USP48: variants seen among roughly 807,000 people sequenced by gnomAD.
USP48 encodes ubiquitin carboxyl-terminal hydrolase 48.
USP48 carries 43 observed loss-of-function variants against 150.7 expected under a neutral mutation model. The ratio of observed to expected loss-of-function variants is 0.29; its 90% CI spans 0.22 to 0.37. The LOEUF (loss-of-function observed/expected upper bound fraction) is 0.37. Among genes scored for constraint, USP48 ranks in the 10% least tolerant of loss-of-function variants. The probability of loss-of-function intolerance (pLI) is 1.00; values close to 1 mark genes in which losing one functional copy is unlikely to be tolerated. For missense variants in USP48, 813 were observed against 1,249.6 expected, an observed-to-expected ratio of 0.65 and a Z score of 5.27; for synonymous variants, 396 against 425.9, an observed-to-expected ratio of 0.93 and a Z score of 0.86.
At chr1:21,728,819 G>A in intron 10 of USP48, 100 bp from the exon 11 acceptor site, 1 of 1,400,964 alleles carries the variant, frequency 7.1e-7, no homozygotes, top group East Asian at 2.4e-5. Context: ...TTAAAACATT[G>A]GCAGAAATTC....
At chr1:21,768,206 CAA>C (rs142268939) in intron 1 of USP48, 4 of 132,140 alleles carry the variant, frequency 3.0e-5, no homozygotes, top group Admixed American at 7.8e-5. Context: ...GACTCCGTCT[CAA>C]AAAAAAAAAA....
At chr1:21,702,077 C>T (rs2097658643) in intron 21 of USP48, among the ~76,000 whole-genome samples, 1 of 152,094 alleles carries the variant, frequency 6.6e-6, no homozygotes, top group Admixed American at 6.6e-5. Context: ...AATAATGAAA[C>T]TACATCTAAA....
At chr1:21,760,990 A>T (rs1312578124) in intron 1 of USP48, among the ~76,000 whole-genome samples, 4 of 151,612 alleles carry the variant, frequency 2.6e-5, no homozygotes, top group Non-Finnish European at 5.9e-5. Flanking sequence ...GCTAGTTGGG[A>T]GGCTGAGGCA....
intron 11 of USP48, among the ~76,000 whole-genome samples, chr1:21,726,971 A>C (rs925185856): frequency 5.3e-5 from 8 of 152,040 alleles, no homozygotes; most frequent in Admixed American, 1.3e-4. Flanking sequence ...AAAAAAAAAA[A>C]CCTGGATTTT....
chr1:21,733,228 C>T (rs182282559), intron 9 of USP48, among the ~76,000 whole-genome samples: 41 of 152,188 alleles, frequency 2.7e-4, no homozygotes, highest in African/African-American at 8.2e-4. Context: ...CCAGCCTGGC[C>T]AACATGGTGA....
Position 21,704,280 on chromosome 1 carries a change from G to C in USP48, c.2497C>G (p.Gln833Glu). The C allele has an allele frequency of 6.2e-7, 1 of 1,612,440 alleles. No homozygotes were observed. Among genetic ancestry groups the C allele is most frequent in the Non-Finnish European group, 8.5e-7 (1 of 1,179,536 alleles). The change falls in exon 20 of 27, where the codon CAG becomes GAG. Residue 833 changes from glutamine to glutamate, a missense_variant. Coordinates refer to ENST00000308271, the MANE Select transcript of USP48 (RefSeq NM_032236.8). Reference protein sequence around the residue: ...EVGDVNPSETQYISEPKLCPE... With the variant: ...EVGDVNPSETEYISEPKLCPE... ...AACTTACTGGGCTCAGAAATATACT[G>C]TGTTTCTGAAGGGTTTACATCTCCC...
At chr1:21,693,897 T>A (rs903871200) in intron 23 of USP48, among the ~76,000 whole-genome samples, 2 of 152,194 alleles carry the variant, frequency 1.3e-5, no homozygotes, top group Admixed American at 6.5e-5. Context: ...TTTGCCTCAA[T>A]TACAATGATA....
intron 24 of USP48, among the ~76,000 whole-genome samples, chr1:21,689,083 G>C (rs1401871282): frequency 6.6e-6 from 1 of 151,738 alleles, no homozygotes; most frequent in Admixed American, 6.6e-5. Flanking sequence ...GGAAGTTAGG[G>C]AAAAAGTTAC....
intron 1 of USP48, among the ~76,000 whole-genome samples, chr1:21,773,804 C>T (rs1036901610): frequency 6.6e-6 from 1 of 151,872 alleles, no homozygotes; most frequent in African/African-American, 2.4e-5. Context: ...TATCAAAAAC[C>T]GGAAACCCCA....
At chr1:21,681,927 C>T (rs1381635291) in intron 25 of USP48, among the ~76,000 whole-genome samples, 2 of 152,144 alleles carry the variant, frequency 1.3e-5, no homozygotes, top group Admixed American at 1.3e-4. Flanking sequence ...TTGTGGCATC[C>T]CTTCCTGAAG....
chr1:21,690,155 C>T, intron 23 of USP48, 56 bp from the exon 24 acceptor site: 2 of 1,486,846 alleles, frequency 1.3e-6, no homozygotes. Context: ...AAGACTTATA[C>T]CCTATTTAAA....
Position 21,756,640 on chromosome 1 carries a change from C to T in USP48, c.318G>A (p.Val106=). Residue 106 remains valine (V), a synonymous_variant, in exon 3 of 27, where the codon GTG becomes GTA. Transcript: ENST00000308271. Reference sequence around the variant, plus strand: ...GCCGAAGCTCCAAGTTGAGAAACCACACTTGAAGAAATGTGTTGACATAAC... The same window carrying T: ...GCCGAAGCTCCAAGTTGAGAAACCATACTTGAAGAAATGTGTTGACATAAC... The part of the protein sequence containing the change: ...ATCYVNTFLQ[V]WFLNLELRQA... The T allele has an allele frequency of 6.2e-7, 1 of 1,613,036 alleles. No individual in the cohort carries two copies. Among genetic ancestry groups the T allele is most frequent in the Non-Finnish European group, 8.5e-7 (1 of 1,179,670 alleles).
At chr1:21,774,702 A>G (rs1466080109) in intron 1 of USP48, among the ~76,000 whole-genome samples, 1 of 151,640 alleles carries the variant, frequency 6.6e-6, no homozygotes, top group Non-Finnish European at 1.5e-5. Context: ...AACAAACGAA[A>G]AAAGAATAGC....
At chr1:21,711,308 C>T (rs2097689485) in intron 15 of USP48, among the ~76,000 whole-genome samples, 2 of 151,982 alleles carry the variant, frequency 1.3e-5, no homozygotes, top group South Asian at 2.1e-4. Context: ...TAGGGATTTA[C>T]AAAAAATGAG....
intron 6 of USP48, among the ~76,000 whole-genome samples, chr1:21,748,811 T>C (rs1355381413): frequency 2.0e-5 from 3 of 152,132 alleles, no homozygotes; most frequent in Non-Finnish European, 4.4e-5. Context: ...CTCGGGAGGC[T>C]GAGACACAAG....
At chr1:21,707,376 C>G (rs573995613) in intron 15 of USP48, among the ~76,000 whole-genome samples, 1 of 152,146 alleles carries the variant, frequency 6.6e-6, no homozygotes, top group Non-Finnish European at 1.5e-5. Flanking sequence ...ATCACAAGAC[C>G]ACTGCCTTAA....
chr1:21,773,084 C>T (rs893079893), intron 1 of USP48, among the ~76,000 whole-genome samples: 4 of 150,260 alleles, frequency 2.7e-5, no homozygotes, highest in African/African-American at 9.8e-5. Flanking sequence ...TAGTGAAACC[C>T]CTCTCTACAA....
intron 6 of USP48, 98 bp from the exon 7 acceptor site, chr1:21,748,369 G>T: frequency 8.6e-7 from 1 of 1,169,222 alleles, no homozygotes; most frequent in Non-Finnish European, 1.2e-6. Flanking sequence ...TCAGTTAATA[G>T]CTCTCACTTA....
At chr1:21,766,759 T>TAAC (rs1191364278) in intron 1 of USP48, among the ~76,000 whole-genome samples, 1 of 151,818 alleles carries the variant, frequency 6.6e-6, no homozygotes. Flanking sequence ...AACCTCTACC[T>TAAC]AACGGGCTCA....
Sources: gnomAD v4.1 joint callset for allele counts (sites outside exome capture counted in the v4.1 genomes callset) on GRCh38, gnomAD v4.1.1 for gene constraint, MANE v1.5 for transcripts, NCBI Gene and HGNC (gene_info 2026-07-23, HGNC 2026-07-21) for gene names.